Variants in NFIX observed in about 807,000 individuals in gnomAD.
NFIX encodes the protein nuclear factor 1 X-type.
NFIX carries 2 observed loss-of-function variants against 53.3 expected under a neutral mutation model. That is an observed-to-expected ratio of 0.04 (90% CI 0.02 to 0.12). The LOEUF (loss-of-function observed/expected upper bound fraction) is 0.12, where lower values mean the gene tolerates loss of function less well. NFIX is among the 10% of genes least tolerant of loss of function. NFIX has a pLI of 1.00. For missense variants in NFIX, 310 were observed against 674.5 expected (o/e 0.46, Z 5.99); for synonymous variants, 244 against 289.0 (o/e 0.84, Z 1.58).
chr19:13,051,028 T>C lies in NFIX; in HGVS notation c.560-22019T>C, dbSNP rs1449927499. On this transcript the variant is annotated intron_variant, in intron 2 of 10. Coordinates refer to ENST00000592199, the MANE Select transcript of NFIX (RefSeq NM_001365902.3). This position sits in a 1 kb window ranked among gnomAD's most constrained non-coding sequence, Gnocchi z 5.1. ...GGTCCCGGGAGAAAAGCATAGTTGC[T>C]ACCCTGGTGTTGTTGGTAATGACTT... 6.6e-6 allele frequency among the ~76,000 whole-genome samples: 1 copy of C among 152,218 alleles called. No individual in the cohort carries two copies. Among genetic ancestry groups the C allele is most frequent in the Non-Finnish European group, 1.5e-5 (1 of 68,032 alleles).
chr19:13,082,085 C>G (rs1332697103), intron 8 of NFIX: 28 of 557,720 alleles, frequency 5.0e-5, no homozygotes, highest in Admixed American at 9.3e-5. Flanking sequence ...AGCATCTGGG[C>G]CCCCTTGCTC....
rs2014261869 is a variant in NFIX at position 13,037,164 on chromosome 19, T to C, written c.559+11612T>C. 6.6e-6 allele frequency among the ~76,000 whole-genome samples: 1 copy of C among 152,124 alleles called. No individual in the cohort carries two copies. Among genetic ancestry groups the C allele is most frequent in the Non-Finnish European group, 1.5e-5 (1 of 68,012 alleles). ...AGGGGGTCTCAAGTCCCCTTTCCTG[T>C]GTGTAGCAGATTCTGCCAGCCTTGG... On this transcript the variant is annotated intron_variant, in intron 2 of 10. Transcript: ENST00000592199. This position sits in a 1 kb window ranked among gnomAD's most constrained non-coding sequence, Gnocchi z 4.2.
chr19:13,090,247 G>T lies in NFIX; in HGVS notation c.1403-52G>T. 1.3e-6 allele frequency: 2 copies of T among 1,560,474 alleles called. No homozygotes were observed. The highest frequency in any genetic ancestry group is 1.1e-5 in the South Asian group (1 of 90,008). On this transcript the variant is annotated intron_variant, in intron 9 of 10. Transcript: ENST00000592199. This position sits in a 1 kb window ranked among gnomAD's most constrained non-coding sequence, Gnocchi z 6.6. ...AGCAGCCCCGAGGGGCAGTGCCCAG[G>T]TGGGCCCCAAGGCCTGACAGGGTCT...
rs1455481920 is a variant in NFIX, at chr19:12,996,622, A to G, written c.27+758A>G. On this transcript the variant is annotated intron_variant, in intron 1 of 10. Coordinates refer to ENST00000592199, the MANE Select transcript of NFIX (RefSeq NM_001365902.3). This position sits in a 1 kb window ranked among gnomAD's most constrained non-coding sequence, Gnocchi z 5.2. ...CCCACCCCCAAACTTTCCTCGGCGC[A>G]AACTTTCTGGCCCCAGCGACCCGGG... Among the ~76,000 whole-genome samples the G allele has an allele frequency of 6.6e-6, 1 of 151,774 alleles. No homozygotes were observed. Among genetic ancestry groups the G allele is most frequent in the African/African-American group, 2.4e-5 (1 of 41,326 alleles).
At chr19:13,087,866 C>A in intron 8 of NFIX, 123 bp from the exon 9 acceptor site, 1 of 1,130,188 alleles carries the variant, frequency 8.8e-7, no homozygotes. Flanking sequence ...GAGGAGAGGA[C>A]CCAATCCTGG....
intron 1 of NFIX, among the ~76,000 whole-genome samples, chr19:13,004,881 A>G (rs536123911): frequency 1.9e-4 from 29 of 151,034 alleles, no homozygotes; most frequent in African/African-American, 6.1e-4. Context: ...TAGTGGTGCA[A>G]TCTCAGCTCA....
At position 13,081,315 on chromosome 19, in the gene NFIX, A is replaced by G. The variant is rs1217836596; in HGVS notation, c.1079-365A>G. ...CGAGACCCTGTCTCAAATAATAATA[A>G]TAACACTTTTTTAAAAAGCCAAATA... is the stretch of plus-strand genomic sequence containing the variant. On this transcript the variant is annotated intron_variant, in intron 7 of 10. Coordinates refer to ENST00000592199, the MANE Select transcript of NFIX (RefSeq NM_001365902.3). The surrounding 1 kb of genome is among the most constrained non-coding windows in gnomAD (Gnocchi z 4.7). Among the ~76,000 whole-genome samples the G allele has an allele frequency of 1.3e-5, 2 of 152,098 alleles. No homozygotes were observed. Among genetic ancestry groups the G allele is most frequent in the Admixed American group, 6.5e-5 (1 of 15,278 alleles).
rs1195273447 is a variant in NFIX at position 12,996,801 on chromosome 19, A to G, written c.27+937A>G. On this transcript the variant is annotated intron_variant, in intron 1 of 10. Transcript: ENST00000592199. The surrounding 1 kb of genome is among the most constrained non-coding windows in gnomAD (Gnocchi z 5.2). Reference sequence around the variant, plus strand: ...ACAGCGCCGACCTTGGCGCGTTGCTAGAGCGCGTCCCGCCTGCAGCGAAGT... The same window carrying G: ...ACAGCGCCGACCTTGGCGCGTTGCTGGAGCGCGTCCCGCCTGCAGCGAAGT... 2.0e-5 allele frequency among the ~76,000 whole-genome samples: 3 copies of G among 152,368 alleles called. No homozygotes were observed. The East Asian group carries it at 5.8e-4, about 29-fold the overall frequency.
In NFIX at chr19:13,090,561, C is replaced by T. The variant is rs550464287; in HGVS notation, c.1494+171C>T. Among the ~76,000 whole-genome samples, 1 of 152,318 alleles carries T rather than the reference C, an allele frequency of 6.6e-6. No individual in the cohort carries two copies. Among genetic ancestry groups the T allele is most frequent in the Admixed American group, 6.5e-5 (1 of 15,304 alleles). ...TGCACGCCCAGCTGAGCCTGTCTCC[C>T]CAGGCAGCCCCCAGGCTCCCTGGCT... is the stretch of plus-strand genomic sequence containing the variant. On this transcript the variant is annotated intron_variant, in intron 10 of 10. Transcript: ENST00000592199. The surrounding 1 kb of genome is among the most constrained non-coding windows in gnomAD (Gnocchi z 6.6).
intron 1 of NFIX, among the ~76,000 whole-genome samples, chr19:12,999,948 G>A (rs2011617375): frequency 6.6e-6 from 1 of 152,248 alleles, no homozygotes; most frequent in African/African-American, 2.4e-5. Context: ...GTGTGGGCCG[G>A]GATGGGGTAG....
At position 13,036,395 on chromosome 19, in the gene NFIX, G is replaced by T. The variant is rs911766345; in HGVS notation, c.559+10843G>T. Among the ~76,000 whole-genome samples the T allele has an allele frequency of 1.3e-5, 2 of 152,212 alleles. No homozygotes were observed. Among genetic ancestry groups the T allele is most frequent in the African/African-American group, 4.8e-5 (2 of 41,454 alleles). On this transcript the variant is annotated intron_variant, in intron 2 of 10. Coordinates refer to ENST00000592199, the MANE Select transcript of NFIX (RefSeq NM_001365902.3). This position sits in a 1 kb window ranked among gnomAD's most constrained non-coding sequence, Gnocchi z 4.7. Reference sequence around the variant, plus strand: ...GAAGAGCGTCCTCTCCAGGCCAGGGGTGGGGCTGTGGAAATGAGAAACCGG... The same window carrying T: ...GAAGAGCGTCCTCTCCAGGCCAGGGTTGGGGCTGTGGAAATGAGAAACCGG...
chr19:13,023,945 CCT>C, intron 1 of NFIX: 1 of 625,446 alleles, frequency 1.6e-6, no homozygotes, highest in Non-Finnish European at 2.7e-6. Flanking sequence ...CCTCCTCCCC[CCT>C]CCCCCCACCC....
intron 1 of NFIX, among the ~76,000 whole-genome samples, chr19:13,023,071 T>TCTCTCTCTCTCTCTCTCTCTCA (rs1491493483): frequency 1.9e-3 from 3 of 1,608 alleles, no homozygotes; most frequent in African/African-American, 5.1e-3. Context: ...TCTCTCTCTT[T>TCTCTCTCTCTCTCTCTCTCTCA]CTCTCTCTCT....
chr19:13,019,246 G>A (rs949762952), intron 1 of NFIX, among the ~76,000 whole-genome samples: 1 of 152,204 alleles, frequency 6.6e-6, no homozygotes, highest in Non-Finnish European at 1.5e-5. Flanking sequence ...CTCAGTCTGG[G>A]AAGATTATTT....
rs1215726289 is a variant in NFIX, at chr19:13,072,844, C to A, written c.560-203C>A. The stretch of plus-strand genomic sequence containing the variant: ...TGTCAGCAGTGCTGAGGCTGAGAAA[C>A]CTGCACTGGGCCTGTCTTTCCTTCT... On this transcript the variant is annotated intron_variant, in intron 2 of 10. Coordinates refer to ENST00000592199, the MANE Select transcript of NFIX (RefSeq NM_001365902.3). This position sits in a 1 kb window ranked among gnomAD's most constrained non-coding sequence, Gnocchi z 4.0. Among the ~76,000 whole-genome samples, 1 of 152,188 alleles carries A rather than the reference C, an allele frequency of 6.6e-6. No homozygotes were observed. The highest frequency in any genetic ancestry group is 1.5e-5 in the Non-Finnish European group (1 of 68,032).
intron 2 of NFIX, among the ~76,000 whole-genome samples, chr19:13,046,777 A>G (rs2015016011): frequency 6.6e-6 from 1 of 152,104 alleles, no homozygotes; most frequent in Non-Finnish European, 1.5e-5. Flanking sequence ...AGGAGCAGAG[A>G]GAAAGGGAAG....
intron 1 of NFIX, chr19:13,024,636 G>GGA: frequency 6.5e-7 from 1 of 1,536,390 alleles, no homozygotes; most frequent in Non-Finnish European, 8.7e-7. Context: ...GATAGAACAT[G>GGA]GAGATGTCAT....
At position 13,067,477 on chromosome 19, in the gene NFIX, T is replaced by TGCGCGC. The variant is rs2016491111; in HGVS notation, c.560-5569_560-5568insCGCGCG. Among the ~76,000 whole-genome samples the TGCGCGC allele has an allele frequency of 1.1e-5, 1 of 91,814 alleles. No homozygotes were observed. The highest frequency in any genetic ancestry group is 1.1e-4 in the Admixed American group (1 of 9,220). The allele number at this position is 91,814 out of a possible 152,430, so 60.2% of individuals were successfully genotyped here. On this transcript the variant is annotated intron_variant, in intron 2 of 10. Coordinates refer to ENST00000592199, the MANE Select transcript of NFIX (RefSeq NM_001365902.3). The surrounding 1 kb of genome is among the most constrained non-coding windows in gnomAD (Gnocchi z 4.2). ...GTGTGTGCGCGCGTGTGTGTGTGTG[T>TGCGCGC]GTGTGCGTGTGTGTGTGTGTGTGTG...
intron 2 of NFIX, among the ~76,000 whole-genome samples, chr19:13,047,310 A>G (rs974730870): frequency 6.6e-6 from 1 of 151,224 alleles, no homozygotes; most frequent in Non-Finnish European, 1.5e-5. Context: ...TAGCTTACCT[A>G]TCCTATGATT....
Sources: allele counts gnomAD v4.1 joint callset (sites outside exome capture counted in the v4.1 genomes callset), GRCh38; gene constraint gnomAD v4.1.1; non-coding constraint Gnocchi (gnomAD v3.1); transcripts MANE v1.5; gene names NCBI Gene and HGNC (gene_info 2026-07-23, HGNC 2026-07-21).